Variants in IPO4 observed in about 807,000 individuals in gnomAD.
IPO4 encodes the protein importin-4.
Under a neutral mutation model 133.5 loss-of-function variants are expected in IPO4, and 91 were observed. The ratio of observed to expected loss-of-function variants is 0.68; its 90% CI spans 0.58 to 0.81. IPO4 has a LOEUF of 0.81. IPO4 is among the 30% of genes least tolerant of loss of function. IPO4 has a pLI of 0.00. For synonymous variants in IPO4, 607 were observed against 581.6 expected (o/e 1.04, Z -0.63); for missense variants, 1,279 against 1,386.2 (o/e 0.92, Z 1.23).
rs774418735 is a variant in IPO4, at chr14:24,186,380, T to A, written c.912A>T (p.Pro304=). 1 of 1,612,648 alleles carries A rather than the reference T, an allele frequency of 6.2e-7. No homozygotes were observed. The highest frequency in any genetic ancestry group is 1.3e-5 in the African/African-American group (1 of 74,828). ...GGTCCTCGGGATCCAACTGGCCTGG[T>A]GGGGGCTCAGCAGCCACAATGGGGA... ...TLFPIVAAEP[P]PGQLDPEDQD... is the part of the protein sequence containing the mutation. Residue 304 remains proline, a synonymous_variant, in exon 10 of 30, where the codon CCA becomes CCT. Coordinates refer to ENST00000354464, the MANE Select transcript of IPO4 (RefSeq NM_024658.4).
intron 17 of IPO4, 70 bp from the exon 18 acceptor site, chr14:24,184,179 G>A: frequency 6.4e-7 from 1 of 1,564,356 alleles, no homozygotes; most frequent in Non-Finnish European, 8.7e-7. Context: ...GGGAGCCCGG[G>A]AACACCTGGC....
chr14:24,185,823 T>C (rs771834058), intron 12 of IPO4, 38 bp downstream of exon 12: 1 of 1,504,934 alleles, frequency 6.6e-7, no homozygotes, highest in Non-Finnish European at 9.2e-7. Context: ...TGGTCCTCCC[T>C]GTGGGCAACC....
Position 24,184,909 on chromosome 14 carries a change from G to GA in IPO4, c.1479dup (p.Pro494SerfsTer42). ...CTCACAGCCAGCTCCTTGGCCCGGG[G>GA]ACTGCTGGGGTTCCTCAGAAGCTGC... On this transcript the variant is annotated frameshift_variant, in exon 15 of 30. Coordinates refer to ENST00000354464, the MANE Select transcript of IPO4 (RefSeq NM_024658.4). LOFTEE classifies it high-confidence loss of function. 6.2e-7 allele frequency: 1 copy of GA among 1,614,098 alleles called. No homozygotes were observed. The highest frequency in any genetic ancestry group is 8.5e-7 in the Non-Finnish European group (1 of 1,180,024).
chr14:24,186,843 G>C, intron 8 of IPO4, 35 bp downstream of exon 8: 3 of 1,610,390 alleles, frequency 1.9e-6, no homozygotes, highest in Non-Finnish European at 2.5e-6. Context: ...TCCCAGCAGA[G>C]CATGTAGCAG....
In IPO4 at chr14:24,183,267, G is replaced by A. The variant is rs563725395; in HGVS notation, c.2210C>T (p.Ser737Leu). Reference protein sequence around the residue: ...ALHKACQSCPSEPNTAALQAA... With the variant: ...ALHKACQSCPLEPNTAALQAA... The stretch of plus-strand genomic sequence containing the variant: ...CTCCTCACCAGCAGTGTTGGGTTCC[G>A]AGGGGCAGCTTTGACAGGCCTTGTG... The change falls in exon 22 of 30, where the codon TCG becomes TTG. Residue 737 changes from serine to leucine, a missense_variant. Ser to Leu is a moderately radical substitution (Grantham distance 145). Coordinates refer to ENST00000354464, the MANE Select transcript of IPO4 (RefSeq NM_024658.4). The A allele has an allele frequency of 2.2e-5, 36 of 1,613,578 alleles. No individual in the cohort carries two copies. The East Asian group carries it at 6.5e-4, about 29-fold the overall frequency.
chr14:24,186,150 G>T lies in IPO4; in HGVS notation c.1038C>A (p.Pro346=), dbSNP rs747509957. Residue 346 remains proline (P), a synonymous_variant, in exon 11 of 30, where the codon CCC becomes CCA. Transcript: ENST00000354464. ...TTACCAGCTGGGGACAGAGCTTCTC[G>T]GGGGGCAGGTGTAGTGCCAGCATGT... ...VVDMLALHLP[P]EKLCPQLMPM... is the part of the protein sequence containing the mutation. 6.2e-7 allele frequency: 1 copy of T among 1,613,830 alleles called. No homozygotes were observed. Among genetic ancestry groups the T allele is most frequent in the Non-Finnish European group, 8.5e-7 (1 of 1,179,930 alleles).
At position 24,182,993 on chromosome 14, in the gene IPO4, C is replaced by A; in HGVS notation, c.2404G>T (p.Ala802Ser). ...CTGCTCACCTTCCTCTGCAGCACAG[C>A]CTTGAGCACGCCACAGAGCTCAGCG... Reference protein sequence around the residue: ...RLAELCGVLKAVLQRKTACQD... With the variant: ...RLAELCGVLKSVLQRKTACQD... The change falls in exon 23 of 30, where the codon GCT becomes TCT. Residue 802 changes from alanine (A) to serine (S), a missense_variant. This residue lies in a region of IPO4 where 575 missense variants were observed against 653.4 expected (regional missense o/e 0.88). Transcript: ENST00000354464. 6.2e-7 allele frequency: 1 copy of A among 1,613,650 alleles called. No homozygotes were observed. The highest frequency in any genetic ancestry group is 8.5e-7 in the Non-Finnish European group (1 of 1,179,786).
rs1343571205 is a variant in IPO4 at position 24,182,978 on chromosome 14, TC to T, written c.2418del (p.Lys807ArgfsTer99). ...LCGVLKAVLQ[R>X]KTACQDTDEE... ...CGAAGCCCACCTGCCCTGCTCACCT[TC>T]CTCTGCAGCACAGCCTTGAGCACGC... On this transcript the variant is annotated frameshift_variant, in exon 23 of 30. Coordinates refer to ENST00000354464, the MANE Select transcript of IPO4 (RefSeq NM_024658.4). LOFTEE classifies it high-confidence loss of function. 6.2e-7 allele frequency: 1 copy of T among 1,612,966 alleles called. No homozygotes were observed. The highest frequency in any genetic ancestry group is 8.5e-7 in the Non-Finnish European group (1 of 1,179,216).
In IPO4 at chr14:24,186,275, C is replaced by A. The variant is rs1478450617; in HGVS notation, c.1005+12G>T. 1 of 1,603,622 alleles carries A rather than the reference C, an allele frequency of 6.2e-7. No individual in the cohort carries two copies. The highest frequency in any genetic ancestry group is 8.5e-7 in the Non-Finnish European group (1 of 1,173,124). The stretch of plus-strand genomic sequence containing the variant: ...CTAACACCTTCCCCCTCTGTCCTGC[C>A]CCACATCTCACTTGTACAGCGAAAT... On this transcript the variant is annotated intron_variant, in intron 10 of 29. Transcript: ENST00000354464.
chr14:24,184,536 C>T, intron 16 of IPO4, 114 bp downstream of exon 16: 1 of 1,435,400 alleles, frequency 7.0e-7, no homozygotes, highest in South Asian at 1.4e-5. Context: ...ATGAAGCACA[C>T]CCCTTTGATG....
chr14:24,184,061 C>T lies in IPO4; in HGVS notation c.1806G>A (p.Ala602=), dbSNP rs371519200. The change falls in exon 18 of 30, where the codon GCG becomes GCA. Residue 602 remains alanine, a synonymous_variant. Coordinates refer to ENST00000354464, the MANE Select transcript of IPO4 (RefSeq NM_024658.4). The part of the protein sequence containing the change: ...ALSGLMGEGL[A]PHLEQITTLM... ...GCGTGGTGATCTGTTCCAAGTGGGG[C>T]GCCAGGCCCTCACCCATCAGACCCG... 78 of 1,445,766 alleles carry T rather than the reference C, an allele frequency of 5.4e-5. No homozygotes were observed. Among genetic ancestry groups the T allele is most frequent in the East Asian group, 4.0e-4 (12 of 29,874 alleles). 89.6% of individuals were successfully genotyped at this position (1,445,766 alleles called of 1,614,324 possible). A position where few individuals can be genotyped will look rare whatever the true frequency, so the allele number is the denominator to read the frequency against.
In IPO4 at chr14:24,184,198, A is replaced by G; in HGVS notation, c.1758-89T>C. ...GCCCGGGAACACCTGGCTATGGTCC[A>G]AACCAGACGACTGGAGTCTGGGGTG... On this transcript the variant is annotated intron_variant, in intron 17 of 29. Coordinates refer to ENST00000354464, the MANE Select transcript of IPO4 (RefSeq NM_024658.4). The G allele has an allele frequency of 1.9e-6, 3 of 1,563,658 alleles. No individual in the cohort carries two copies. The South Asian group carries it at 3.5e-5, about 18-fold the overall frequency.
chr14:24,185,689 C>T (rs2039209964), intron 12 of IPO4, 122 bp from the exon 13 acceptor site: 2 of 1,010,032 alleles, frequency 2.0e-6, no homozygotes, highest in Non-Finnish European at 1.5e-6. Flanking sequence ...GGGTGGGCAG[C>T]AGCCCCTGGT....
At chr14:24,186,019 A>T in intron 11 of IPO4, 49 bp from the exon 12 acceptor site, 1 of 1,600,638 alleles carries the variant, frequency 6.2e-7, no homozygotes, top group East Asian at 2.2e-5. Context: ...GAGCCTGCCC[A>T]TTCCTGTGGT....
Position 24,181,983 on chromosome 14 carries a change from C to T in IPO4, c.2779G>A (p.Ala927Thr). The T allele has an allele frequency of 6.2e-7, 1 of 1,612,010 alleles. No homozygotes were observed. The highest frequency in any genetic ancestry group is 8.5e-7 in the Non-Finnish European group (1 of 1,180,018). ...SNAIFGMGVL[A>T]EHGGHPAQEH... Reference sequence around the variant, plus strand: ...TGGGCAGGGTGGCCCCCATGCTCTGCCAGCACGCCCATCCCGAAGATGGCA... The same window carrying T: ...TGGGCAGGGTGGCCCCCATGCTCTGTCAGCACGCCCATCCCGAAGATGGCA... Residue 927 changes from alanine (A) to threonine (T), a missense_variant, in exon 26 of 30, where the codon GCA (alanine) becomes ACA (threonine). Physicochemically the swap from Ala to Thr is moderately conservative, Grantham distance 58 (BLOSUM62 0). Around this residue, in one of 3 missense-constraint regions of IPO4, gnomAD observed 575 missense variants for 653.4 expected, o/e 0.88. Transcript: ENST00000354464.
intron 18 of IPO4, 25 bp from the exon 19 acceptor site, chr14:24,183,923 T>C: frequency 6.2e-7 from 1 of 1,613,846 alleles, no homozygotes; most frequent in Non-Finnish European, 8.5e-7. Context: ...CGGCAAGGAC[T>C]TTGGCTCAGC....
intron 24 of IPO4, 53 bp from the exon 25 acceptor site, chr14:24,182,456 ACCT>A: frequency 6.3e-7 from 1 of 1,576,404 alleles, no homozygotes. Context: ...GTGACTGTAC[ACCT>A]CCCTCCCACG....
At chr14:24,188,131 C>G in intron 4 of IPO4, 85 bp downstream of exon 4, 1 of 1,412,574 alleles carries the variant, frequency 7.1e-7, no homozygotes, top group Non-Finnish European at 9.8e-7. Context: ...GTCCCTGCCC[C>G]ACAAGTCCCA....
Position 24,188,712 on chromosome 14 carries a change from T to TAA in IPO4, c.69+6_69+7insTT. 1 of 1,585,392 alleles carries TAA rather than the reference T, an allele frequency of 6.3e-7. No homozygotes were observed. The highest frequency in any genetic ancestry group is 8.6e-7 in the Non-Finnish European group (1 of 1,163,516). ...CTCGCCCTGGCCCGGTTACGCCTGC[T>TAA]CCGTACCCGACGGATGCGCTCGGTG... is the stretch of plus-strand genomic sequence containing the variant. On this transcript the variant is annotated splice_region_variant and intron_variant, in intron 1 of 29. Coordinates refer to ENST00000354464, the MANE Select transcript of IPO4 (RefSeq NM_024658.4).
Sources: gnomAD v4.1 joint callset for allele counts on GRCh38, gnomAD v4.1.1 for gene constraint, gnomAD v4.1.1 regional missense constraint, MANE v1.5 for transcripts, NCBI Gene and HGNC (gene_info 2026-07-23, HGNC 2026-07-21) for gene names.